Variants in PARD3 observed in about 807,000 individuals in gnomAD.
PARD3 encodes the protein par-3 family cell polarity regulator.
PARD3 carries 75 observed loss-of-function variants against 155.4 expected under a neutral mutation model. The observed-to-expected ratio is 0.48, with a 90% confidence interval of 0.40 to 0.58. The LOEUF (loss-of-function observed/expected upper bound fraction) is 0.58. Among genes scored for constraint, PARD3 ranks in the 20% least tolerant of loss-of-function variants. The pLI, the probability that PARD3 is intolerant of heterozygous loss-of-function variation, is 0.00. For missense variants in PARD3, 1,642 were observed against 1,721.7 expected (o/e 0.95, Z 0.82); for synonymous variants, 576 against 610.5 (o/e 0.94, Z 0.83).
chr10:34,531,368 G>A (rs1417703315), intron 2 of PARD3, among the ~76,000 whole-genome samples: 2 of 152,040 alleles, frequency 1.3e-5, no homozygotes, highest in African/African-American at 4.8e-5. Context: ...TTTAAGCCAA[G>A]CCTCTTTAAA....
intron 2 of PARD3, among the ~76,000 whole-genome samples, chr10:34,677,489 A>G (rs547899639): frequency 3.5e-4 from 53 of 152,210 alleles, no homozygotes; most frequent in Non-Finnish European, 6.2e-4. Context: ...CAAAAAAAAA[A>G]AAAAGAAAAG....
intron 14 of PARD3, among the ~76,000 whole-genome samples, chr10:34,351,381 G>A (rs2134403890): frequency 6.6e-6 from 1 of 152,248 alleles, no homozygotes; most frequent in South Asian, 2.1e-4. Flanking sequence ...ACTACATTAT[G>A]TGGAAATAGG....
chr10:34,179,130 A>G (rs530308274), intron 22 of PARD3, among the ~76,000 whole-genome samples: 12 of 152,314 alleles, frequency 7.9e-5, no homozygotes, highest in African/African-American at 2.4e-4. Flanking sequence ...CAGAAATAGC[A>G]TATAGGGAAT....
At chr10:34,503,260 T>C (rs532548806) in intron 3 of PARD3, among the ~76,000 whole-genome samples, 1 of 152,290 alleles carries the variant, frequency 6.6e-6, no homozygotes, top group African/African-American at 2.4e-5. Flanking sequence ...AATAACAAAT[T>C]AACGAATGAG....
At chr10:34,420,269 A>G (rs1206822341) in intron 5 of PARD3, among the ~76,000 whole-genome samples, 1 of 152,180 alleles carries the variant, frequency 6.6e-6, no homozygotes, top group Non-Finnish European at 1.5e-5. Context: ...TGTTTCTAGC[A>G]CCCTGTTTTT....
chr10:34,146,093 T>C (rs1948492270), intron 22 of PARD3, among the ~76,000 whole-genome samples: 2 of 152,194 alleles, frequency 1.3e-5, no homozygotes, highest in South Asian at 4.1e-4. Context: ...ATGTCCATTT[T>C]CACAAAAATA....
chr10:34,691,223 C>T (rs1418169443), intron 2 of PARD3, among the ~76,000 whole-genome samples: 2 of 152,146 alleles, frequency 1.3e-5, no homozygotes, highest in African/African-American at 4.8e-5. Flanking sequence ...GCTCCTTGAT[C>T]TGATAAACAA....
chr10:34,140,910 C>G (rs1948156063), intron 22 of PARD3, among the ~76,000 whole-genome samples: 1 of 152,114 alleles, frequency 6.6e-6, no homozygotes. Flanking sequence ...TTTATAACAT[C>G]TGAAATTTTG....
intron 3 of PARD3, among the ~76,000 whole-genome samples, chr10:34,499,496 CAGATTTTTTAAA>C (rs1208159796): frequency 6.6e-6 from 1 of 151,420 alleles, no homozygotes; most frequent in Non-Finnish European, 1.5e-5. Flanking sequence ...CAAATTGAAA[CAGATTTTTTAAA>C]TTGCATCCAG....
At chr10:34,456,770 T>C (rs998473225) in intron 4 of PARD3, among the ~76,000 whole-genome samples, 1 of 152,220 alleles carries the variant, frequency 6.6e-6, no homozygotes, top group African/African-American at 2.4e-5. Flanking sequence ...TTAAAGGTAT[T>C]ATCCATAGTT....
At chr10:34,397,253 T>A (rs1341982316) in intron 7 of PARD3, among the ~76,000 whole-genome samples, 1 of 152,198 alleles carries the variant, frequency 6.6e-6, no homozygotes, top group African/African-American at 2.4e-5. Context: ...TTCTCTCCCA[T>A]TGTTAACCAT....
chr10:34,438,493 C>G (rs1420080556), intron 5 of PARD3, among the ~76,000 whole-genome samples: 1 of 152,082 alleles, frequency 6.6e-6, no homozygotes, highest in Non-Finnish European at 1.5e-5. Context: ...ATGAAAATCA[C>G]CATATCACAT....
At chr10:34,454,263 G>A (rs932174770) in intron 4 of PARD3, among the ~76,000 whole-genome samples, 1 of 152,054 alleles carries the variant, frequency 6.6e-6, no homozygotes, top group African/African-American at 2.4e-5. Flanking sequence ...TACAAGGACT[G>A]TAGGCCTGTA....
chr10:34,584,608 AACGTT>A (rs2087826469), intron 2 of PARD3, among the ~76,000 whole-genome samples: 1 of 152,168 alleles, frequency 6.6e-6, no homozygotes, highest in East Asian at 1.9e-4. Flanking sequence ...CATGAAAACA[AACGTT>A]ACCTGACTCA....
At chr10:34,158,939 A>G (rs755385565) in intron 22 of PARD3, among the ~76,000 whole-genome samples, 1 of 152,228 alleles carries the variant, frequency 6.6e-6, no homozygotes, top group African/African-American at 2.4e-5. Context: ...GAATTTGAAG[A>G]CATTGATGCT....
chr10:34,350,279 A>C (rs1837907103), intron 14 of PARD3, among the ~76,000 whole-genome samples: 1 of 152,164 alleles, frequency 6.6e-6, no homozygotes, highest in East Asian at 1.9e-4. Flanking sequence ...TGGTCCTGGG[A>C]GAATGGCTGG....
chr10:34,233,813 C>T (rs1953068623), intron 22 of PARD3, among the ~76,000 whole-genome samples: 1 of 152,100 alleles, frequency 6.6e-6, no homozygotes, highest in Non-Finnish European at 1.5e-5. Context: ...AGCTCCCTCA[C>T]ACAGGCTTCC....
chr10:34,300,631 T>TA (rs5784407), intron 20 of PARD3, among the ~76,000 whole-genome samples: 155 of 148,274 alleles, frequency 1.0e-3, no homozygotes, highest in Non-Finnish European at 1.4e-3. Flanking sequence ...AGATCTTGTT[T>TA]AAAAAAAAAA....
intron 2 of PARD3, among the ~76,000 whole-genome samples, chr10:34,695,994 T>C (rs1233536752): frequency 6.6e-6 from 1 of 151,980 alleles, no homozygotes; most frequent in Non-Finnish European, 1.5e-5. Context: ...CAGGCCCGAG[T>C]TGTGAAGAAA....
Sources: allele counts gnomAD v4.1 joint callset (sites outside exome capture counted in the v4.1 genomes callset), GRCh38; gene constraint gnomAD v4.1.1; transcripts MANE v1.5; gene names NCBI Gene and HGNC (gene_info 2026-07-23, HGNC 2026-07-21).